Variants in SARS1 observed in about 807,000 individuals in gnomAD.
The protein encoded by SARS1 is serine--tRNA ligase, cytoplasmic.
A neutral mutation model predicts 63.7 loss-of-function variants in SARS1; 25 were observed. The ratio of observed to expected loss-of-function variants is 0.39; its 90% CI spans 0.29 to 0.55. The LOEUF (loss-of-function observed/expected upper bound fraction) is 0.55. Among genes scored for constraint, SARS1 ranks in the 20% least tolerant of loss-of-function variants. The pLI, the probability that SARS1 is intolerant of heterozygous loss-of-function variation, is 0.62. For synonymous variants in SARS1, 231 were observed against 243.5 expected (o/e 0.95, Z 0.48); for missense variants, 417 against 649.7 (o/e 0.64, Z 3.89).
At chr1:109,227,182 A>G (rs1655108011) in intron 2 of SARS1, among the ~76,000 whole-genome samples, 1 of 151,436 alleles carries the variant, frequency 6.6e-6, no homozygotes, top group South Asian at 2.1e-4. Flanking sequence ...TTTAGTAGAG[A>G]CGGGGTTTCA....
chr1:109,215,770 A>G (rs1654770640), intron 1 of SARS1: 1 of 577,554 alleles, frequency 1.7e-6, no homozygotes, highest in African/African-American at 2.0e-5. Context: ...CAGTGGCACC[A>G]TCTCGGCTCA....
chr1:109,236,353 A>T lies in SARS1; in HGVS notation c.1100-38A>T, dbSNP rs1488325332. 2.6e-6 allele frequency: 4 copies of T among 1,566,508 alleles called. No individual in the cohort carries two copies. The African/African-American group carries it at 5.5e-5, about 21-fold the overall frequency. On this transcript the variant is annotated intron_variant, in intron 8 of 10. Coordinates refer to ENST00000234677, the MANE Select transcript of SARS1 (RefSeq NM_006513.4). Reference sequence around the variant, plus strand: ...CTAAAGGTTAGCCTTCTGAAATACCATCCCTCCTTCATGAATTCTAGGGGT... The same window carrying T: ...CTAAAGGTTAGCCTTCTGAAATACCTTCCCTCCTTCATGAATTCTAGGGGT...
Position 109,219,280 on chromosome 1 carries a change from T to TATATATATATATATATAC in SARS1, c.137-4689_137-4688insTATATATACATATATATA, listed in dbSNP as rs777650858. ...GACTCTCCATATATATATATATATATATATATATAGTGTACATATACAGTA... is the reference window on the plus strand; with the variant it reads ...GACTCTCCATATATATATATATATATATATATATATATATATACATATATATAGTGTACATATACAGTA... On this transcript the variant is annotated intron_variant, in intron 1 of 10. Coordinates refer to ENST00000234677, the MANE Select transcript of SARS1 (RefSeq NM_006513.4). 5.9e-4 allele frequency among the ~76,000 whole-genome samples: 36 copies of TATATATATATATATATAC among 61,122 alleles called. No individual in the cohort carries two copies. In the East Asian group the frequency reaches 0.035, roughly 59 times the overall value. The allele number at this position is 61,122 out of a possible 152,430, so 40.1% of individuals were successfully genotyped here.
At chr1:109,230,463 A>G (rs1047338288) in intron 4 of SARS1, among the ~76,000 whole-genome samples, 6 of 152,282 alleles carry the variant, frequency 3.9e-5, no homozygotes, top group Admixed American at 2.6e-4. Context: ...TCACAAAGTT[A>G]AGTTGTTCGT....
chr1:109,227,848 G>A (rs948605391), intron 2 of SARS1, among the ~76,000 whole-genome samples: 3 of 151,722 alleles, frequency 2.0e-5, no homozygotes, highest in Non-Finnish European at 4.4e-5. Flanking sequence ...GAAACCGGAA[G>A]GCGGAGCTTG....
intron 1 of SARS1, chr1:109,217,153 C>T: frequency 1.0e-6 from 1 of 984,640 alleles, no homozygotes; most frequent in Non-Finnish European, 1.2e-6. Context: ...ATGTTAGCTT[C>T]ATGTATACAG....
intron 2 of SARS1, among the ~76,000 whole-genome samples, chr1:109,226,144 ATT>A (rs771525135): frequency 1.3e-4 from 16 of 126,420 alleles, no homozygotes; most frequent in Admixed American, 1.6e-4. Context: ...CACTCGGCTA[ATT>A]TTTTTTTTTT....
chr1:109,237,970 C>A lies in SARS1; in HGVS notation c.*82C>A. On this transcript the variant is annotated 3_prime_UTR_variant, in exon 11 of 11. Transcript: ENST00000234677. This position sits in a 1 kb window ranked among gnomAD's most constrained non-coding sequence, Gnocchi z 4.1. ...CCTGCCCAACAGCAGGGAAGCCAAG[C>A]ACCCATTCATCCCCCTGCCCCCATC... The A allele has an allele frequency of 6.7e-7, 1 of 1,497,854 alleles. No homozygotes were observed. Among genetic ancestry groups the A allele is most frequent in the South Asian group, 1.2e-5 (1 of 81,608 alleles). 92.8% of individuals were successfully genotyped at this position (1,497,854 alleles called of 1,614,324 possible).
rs146750307 is a variant in SARS1 at position 109,238,163 on chromosome 1, G to A, written c.*275G>A. ...GTCTTCTTCCCCGGGCTTGAACCCC[G>A]CCTCTGAGGTTCTCCCTGATATACA... On this transcript the variant is annotated 3_prime_UTR_variant, in exon 11 of 11. Transcript: ENST00000234677. 3.2e-5 allele frequency: 14 copies of A among 433,904 alleles called. No homozygotes were observed. The highest frequency in any genetic ancestry group is 1.5e-4 in the East Asian group (4 of 27,478). The allele number at this position is 433,904 out of a possible 1,614,324, so 26.9% of individuals were successfully genotyped here.
chr1:109,226,677 A>AAAAAAAAAATAT (rs1178056468), intron 2 of SARS1, among the ~76,000 whole-genome samples: 18 of 44,966 alleles, frequency 4.0e-4, no homozygotes, highest in African/African-American at 1.5e-3. Context: ...AAAAAAAAAA[A>AAAAAAAAAATAT]ATATATATAT....
intron 1 of SARS1, among the ~76,000 whole-genome samples, chr1:109,221,970 G>GTGTATATATA (rs1654939076): frequency 1.4e-4 from 4 of 28,058 alleles, no homozygotes; most frequent in African/African-American, 5.8e-4. Context: ...TTGTGTGTGT[G>GTGTATATATA]TATATATATA....
chr1:109,216,125 A>C, intron 1 of SARS1: 1 of 985,460 alleles, frequency 1.0e-6, no homozygotes, highest in Non-Finnish European at 1.2e-6. Flanking sequence ...TGCCCAAGGT[A>C]GACACTGGCA....
intron 1 of SARS1, among the ~76,000 whole-genome samples, chr1:109,218,406 C>CT (rs34756917): frequency 0.57 from 67,943 of 118,610 alleles, 19,843 homozygotes; most frequent in Non-Finnish European, 0.66. Flanking sequence ...AGATATTTTA[C>CT]TTTTTTTTTT....
At chr1:109,226,724 A>G (rs1317572353) in intron 2 of SARS1, among the ~76,000 whole-genome samples, 3 of 49,272 alleles carry the variant, frequency 6.1e-5, no homozygotes, top group African/African-American at 1.5e-4. Context: ...ACACACACAC[A>G]CACATATATA....
At chr1:109,230,225 G>A (rs1046153603) in intron 4 of SARS1, among the ~76,000 whole-genome samples, 4 of 152,046 alleles carry the variant, frequency 2.6e-5, no homozygotes, top group Non-Finnish European at 1.5e-5. Context: ...CGATTGTCTG[G>A]GAAGGGTTGT....
At chr1:109,220,854 A>G (rs1053402127) in intron 1 of SARS1, among the ~76,000 whole-genome samples, 1 of 152,028 alleles carries the variant, frequency 6.6e-6, no homozygotes, top group Non-Finnish European at 1.5e-5. Context: ...TTTTGTAGAC[A>G]TTTTATTTCT....
intron 2 of SARS1, among the ~76,000 whole-genome samples, chr1:109,225,178 C>G (rs1655039011): frequency 6.6e-6 from 1 of 152,126 alleles, no homozygotes; most frequent in Non-Finnish European, 1.5e-5. Flanking sequence ...AACCTCAAAA[C>G]TAAACAACAA....
intron 1 of SARS1, among the ~76,000 whole-genome samples, chr1:109,220,135 C>T (rs1255747241): frequency 6.6e-6 from 1 of 152,180 alleles, no homozygotes; most frequent in Admixed American, 6.5e-5. Context: ...TTAACATATC[C>T]ATCACCTCAA....
intron 2 of SARS1, among the ~76,000 whole-genome samples, chr1:109,224,793 A>G (rs1481329162): frequency 6.6e-6 from 1 of 152,024 alleles, no homozygotes; most frequent in African/African-American, 2.4e-5. Flanking sequence ...TAGCCCCTTA[A>G]TCATATTACA....
Sources: allele counts gnomAD v4.1 joint callset (sites outside exome capture counted in the v4.1 genomes callset), GRCh38; gene constraint gnomAD v4.1.1; non-coding constraint Gnocchi (gnomAD v3.1); transcripts MANE v1.5; gene names NCBI Gene and HGNC (gene_info 2026-07-23, HGNC 2026-07-21).